CHST11: variants seen among roughly 807,000 people sequenced by gnomAD.
CHST11 encodes C4S-1.
In CHST11, 9 loss-of-function variants were observed where a neutral mutation model predicts 30.4. The ratio of observed to expected loss-of-function variants is 0.30; its 90% CI spans 0.18 to 0.52. CHST11 has a LOEUF of 0.52. Among genes scored for constraint, CHST11 ranks in the 20% least tolerant of loss-of-function variants. CHST11 has a pLI of 0.97. For synonymous variants in CHST11, 152 were observed against 187.8 expected (o/e 0.81, Z 1.56); for missense variants, 348 against 460.6 (o/e 0.76, Z 2.24).
intron 1 of CHST11, among the ~76,000 whole-genome samples, chr12:104,539,305 G>C (rs1183134004): frequency 6.6e-6 from 1 of 152,068 alleles, no homozygotes; most frequent in Non-Finnish European, 1.5e-5. Flanking sequence ...GAAAAATGGG[G>C]ATAATAATAA....
intron 2 of CHST11, among the ~76,000 whole-genome samples, chr12:104,690,249 A>G (rs1362400260): frequency 6.6e-6 from 1 of 152,200 alleles, no homozygotes; most frequent in Admixed American, 6.5e-5. Context: ...TGACGGAAAG[A>G]ATTGCATTGG....
At chr12:104,540,421 A>G (rs1156671468) in intron 1 of CHST11, among the ~76,000 whole-genome samples, 4 of 152,246 alleles carry the variant, frequency 2.6e-5, no homozygotes, top group Non-Finnish European at 5.9e-5. Context: ...TGTTAATCTT[A>G]TCTTCACTTT....
At chr12:104,488,172 G>C (rs188850715) in intron 1 of CHST11, among the ~76,000 whole-genome samples, 58 of 152,050 alleles carry the variant, frequency 3.8e-4, no homozygotes, top group Non-Finnish European at 7.4e-4. Flanking sequence ...TAGCTTGTTA[G>C]GGGCCCAGGG....
chr12:104,483,116 A>C (rs886832324), intron 1 of CHST11, among the ~76,000 whole-genome samples: 1 of 152,106 alleles, frequency 6.6e-6, no homozygotes, highest in Non-Finnish European at 1.5e-5. Flanking sequence ...GCATCTTCAC[A>C]TGCTCACCCT....
intron 1 of CHST11, among the ~76,000 whole-genome samples, chr12:104,519,940 G>A (rs2038060041): frequency 1.3e-5 from 2 of 152,288 alleles, no homozygotes; most frequent in East Asian, 3.9e-4. Flanking sequence ...AAGGACAGTA[G>A]TCTGGTTTTC....
intron 2 of CHST11, among the ~76,000 whole-genome samples, chr12:104,725,171 C>G (rs1209442911): frequency 6.6e-6 from 1 of 152,216 alleles, no homozygotes; most frequent in Non-Finnish European, 1.5e-5. Context: ...AATAATGGTT[C>G]CCTCCTCATG....
intron 2 of CHST11, among the ~76,000 whole-genome samples, chr12:104,723,458 G>A (rs1028748699): frequency 6.6e-6 from 1 of 152,206 alleles, no homozygotes; most frequent in African/African-American, 2.4e-5. Context: ...GCAGTGAAGT[G>A]AGAATTTGCG....
At chr12:104,742,002 G>GC (rs141042779) in intron 2 of CHST11, among the ~76,000 whole-genome samples, 2 of 152,114 alleles carry the variant, frequency 1.3e-5, no homozygotes, top group Admixed American at 6.5e-5. Context: ...CTGCTATCCT[G>GC]CCCCCGGCAC....
intron 2 of CHST11, among the ~76,000 whole-genome samples, chr12:104,682,491 A>G (rs1235383572): frequency 6.6e-6 from 1 of 152,246 alleles, no homozygotes; most frequent in African/African-American, 2.4e-5. Flanking sequence ...CTTGGTGACA[A>G]GCAAACCCTC....
intron 2 of CHST11, among the ~76,000 whole-genome samples, chr12:104,615,918 A>C (rs1381873083): frequency 6.6e-6 from 1 of 151,986 alleles, no homozygotes; most frequent in African/African-American, 2.4e-5. Flanking sequence ...ACAGAGCAAG[A>C]CTCTGTCTCA....
chr12:104,463,152 T>C (rs530582157), intron 1 of CHST11, among the ~76,000 whole-genome samples: 58 of 152,292 alleles, frequency 3.8e-4, no homozygotes, highest in Non-Finnish European at 6.9e-4. Context: ...TTTCCCTTCT[T>C]AAACCCACCA....
chr12:104,565,664 A>T (rs1257138320), intron 1 of CHST11, among the ~76,000 whole-genome samples: 1 of 152,168 alleles, frequency 6.6e-6, no homozygotes, highest in East Asian at 1.9e-4. Context: ...AGGAGTCTTC[A>T]GGCAGCGGGG....
intron 1 of CHST11, among the ~76,000 whole-genome samples, chr12:104,496,753 A>G (rs993882088): frequency 3.3e-5 from 5 of 152,144 alleles, no homozygotes; most frequent in Non-Finnish European, 7.3e-5. Flanking sequence ...TAAACAAGAC[A>G]AAGAAAATAT....
intron 1 of CHST11, among the ~76,000 whole-genome samples, chr12:104,559,230 T>C (rs1302310215): frequency 6.6e-6 from 1 of 152,216 alleles, no homozygotes; most frequent in African/African-American, 2.4e-5. Flanking sequence ...AGGGATAGTA[T>C]TTTGTTTTTG....
At chr12:104,515,855 G>A (rs895135174) in intron 1 of CHST11, among the ~76,000 whole-genome samples, 1 of 152,224 alleles carries the variant, frequency 6.6e-6, no homozygotes, top group African/African-American at 2.4e-5. Context: ...GGCGAAGCAA[G>A]TTCAAAAGCC....
intron 1 of CHST11, among the ~76,000 whole-genome samples, chr12:104,489,956 A>G (rs1042438357): frequency 2.6e-5 from 4 of 152,228 alleles, no homozygotes; most frequent in African/African-American, 9.6e-5. Flanking sequence ...ACCAGATTCT[A>G]CCTCAAGCAG....
intron 1 of CHST11, among the ~76,000 whole-genome samples, chr12:104,460,558 G>A (rs751130554): frequency 1.3e-5 from 2 of 151,854 alleles, no homozygotes; most frequent in African/African-American, 4.8e-5. Context: ...CAGGAACTCC[G>A]GAGGCTGAGG....
chr12:104,531,868 C>G (rs547902068), intron 1 of CHST11, among the ~76,000 whole-genome samples: 1 of 152,204 alleles, frequency 6.6e-6, no homozygotes, highest in African/African-American at 2.4e-5. Flanking sequence ...CAAGACCAGA[C>G]CATGACTATG....
intron 1 of CHST11, among the ~76,000 whole-genome samples, chr12:104,588,293 G>A (rs1377119300): frequency 4.6e-5 from 7 of 152,126 alleles, no homozygotes; most frequent in Non-Finnish European, 7.3e-5. Flanking sequence ...TACTTTCTGT[G>A]TCTATGTACT....
Sources: gnomAD v4.1 joint callset for allele counts (sites outside exome capture counted in the v4.1 genomes callset) on GRCh38, gnomAD v4.1.1 for gene constraint, MANE v1.5 for transcripts, NCBI Gene and HGNC (gene_info 2026-07-23, HGNC 2026-07-21) for gene names.